TAFA1: variants seen among roughly 807,000 people sequenced by gnomAD.
TAFA1 encodes the protein TAFA chemokine like family member 1, also known as chemokine-like protein TAFA-1.
A neutral mutation model predicts 18.5 loss-of-function variants in TAFA1; 4 were observed. That is an observed-to-expected ratio of 0.22 (90% CI 0.11 to 0.49). TAFA1 has a LOEUF of 0.49. Ranked by LOEUF, TAFA1 falls within the 20% of genes least tolerant of loss-of-function variation. The probability of loss-of-function intolerance (pLI) is 0.98; values close to 1 mark genes in which losing one functional copy is unlikely to be tolerated. For missense variants in TAFA1, 147 were observed against 169.0 expected (o/e 0.87, Z 0.72); for synonymous variants, 56 against 55.2 (o/e 1.01, Z -0.06).
intron 2 of TAFA1, among the ~76,000 whole-genome samples, chr3:68,416,616 G>A (rs1210869557): frequency 6.6e-6 from 1 of 152,172 alleles, no homozygotes; most frequent in Admixed American, 6.5e-5. Flanking sequence ...AGTGGAGAGT[G>A]ACATACATTA....
chr3:68,292,553 G>C (rs2068128818), intron 2 of TAFA1, among the ~76,000 whole-genome samples: 1 of 151,926 alleles, frequency 6.6e-6, no homozygotes, highest in Non-Finnish European at 1.5e-5. Context: ...AAAAGACAAG[G>C]TCTCACTCTA....
Position 68,113,888 on chromosome 3 carries a change from G to GTTTTTTTTTTTTTTTTTT in TAFA1, c.118+107152_118+107153insTTTTTTTTTTTTTTTTTT, listed in dbSNP as rs1169442128. 6.9e-5 allele frequency among the ~76,000 whole-genome samples: 4 copies of GTTTTTTTTTTTTTTTTTT among 57,862 alleles called. 2 individuals are homozygous for GTTTTTTTTTTTTTTTTTT. The highest frequency in any genetic ancestry group is 6.0e-5 in the Non-Finnish European group (2 of 33,384). The allele number at this position is 57,862 out of a possible 152,430, so 38.0% of individuals were successfully genotyped here. A position where few individuals can be genotyped will look rare whatever the true frequency, so the allele number is the denominator to read the frequency against. On this transcript the variant is annotated intron_variant, in intron 2 of 4. Coordinates refer to ENST00000478136, the MANE Select transcript of TAFA1 (RefSeq NM_213609.4). ...TGACAGTGTGACAGTTTGGGGTGTA[G>GTTTTTTTTTTTTTTTTTT]TTTTTTTTGTTTTTTTTTTTTTTTT...
intron 3 of TAFA1, among the ~76,000 whole-genome samples, chr3:68,446,413 C>A (rs963214150): frequency 6.6e-6 from 1 of 152,106 alleles, no homozygotes; most frequent in African/African-American, 2.4e-5. Context: ...TGGAAGAAGA[C>A]AGCAAGAGTC....
intron 2 of TAFA1, among the ~76,000 whole-genome samples, chr3:68,205,642 T>C (rs1417350533): frequency 6.6e-6 from 1 of 151,892 alleles, no homozygotes; most frequent in Non-Finnish European, 1.5e-5. Flanking sequence ...TTCCTTCAAC[T>C]ACTACATTTG....
chr3:68,269,210 T>C (rs1332982940), intron 2 of TAFA1, among the ~76,000 whole-genome samples: 1 of 152,118 alleles, frequency 6.6e-6, no homozygotes, highest in African/African-American at 2.4e-5. Flanking sequence ...TCCCAGTGCT[T>C]TGGGAGGCCA....
intron 2 of TAFA1, among the ~76,000 whole-genome samples, chr3:68,241,644 C>A (rs541928422): frequency 6.6e-6 from 1 of 152,130 alleles, no homozygotes; most frequent in Non-Finnish European, 1.5e-5. Flanking sequence ...TGAATTGGAT[C>A]ATCAGTTTTC....
chr3:68,104,423 A>C (rs1194556398), intron 2 of TAFA1, among the ~76,000 whole-genome samples: 1 of 152,052 alleles, frequency 6.6e-6, no homozygotes, highest in East Asian at 1.9e-4. Context: ...TATTTATATA[A>C]AAACAATATT....
intron 2 of TAFA1, among the ~76,000 whole-genome samples, chr3:68,148,340 A>G (rs2065767727): frequency 6.6e-6 from 1 of 152,246 alleles, no homozygotes; most frequent in South Asian, 2.1e-4. Flanking sequence ...CTCTCATATC[A>G]TTTTGCATGA....
At chr3:68,290,827 A>T (rs1476696652) in intron 2 of TAFA1, among the ~76,000 whole-genome samples, 1 of 152,264 alleles carries the variant, frequency 6.6e-6, no homozygotes, top group South Asian at 2.1e-4. Context: ...TTTTAAAAAG[A>T]AATTACTTGT....
intron 2 of TAFA1, among the ~76,000 whole-genome samples, chr3:68,021,011 C>A (rs1029181735): frequency 6.6e-6 from 1 of 151,496 alleles, no homozygotes; most frequent in Non-Finnish European, 1.5e-5. Flanking sequence ...CATGGTGAAA[C>A]CCCATCTCTA....
At chr3:68,352,887 A>G (rs971237100) in intron 2 of TAFA1, among the ~76,000 whole-genome samples, 1 of 151,904 alleles carries the variant, frequency 6.6e-6, no homozygotes, top group East Asian at 1.9e-4. Flanking sequence ...TCTGTCATTT[A>G]CCTCCTCTAC....
chr3:68,388,742 T>C (rs1011480988), intron 2 of TAFA1, among the ~76,000 whole-genome samples: 6 of 152,100 alleles, frequency 3.9e-5, no homozygotes, highest in African/African-American at 1.4e-4. Flanking sequence ...GACATTCTAC[T>C]TTTTAAATAA....
intron 2 of TAFA1, among the ~76,000 whole-genome samples, chr3:68,057,673 A>G (rs2064552997): frequency 6.6e-6 from 1 of 152,174 alleles, no homozygotes; most frequent in Non-Finnish European, 1.5e-5. Flanking sequence ...TAAATTAAGG[A>G]TCTTGGTATG....
chr3:68,205,241 T>C (rs1418294531), intron 2 of TAFA1, among the ~76,000 whole-genome samples: 1 of 151,900 alleles, frequency 6.6e-6, no homozygotes, highest in Non-Finnish European at 1.5e-5. Context: ...CTGAAACTCT[T>C]AGTCGATAAA....
intron 2 of TAFA1, among the ~76,000 whole-genome samples, chr3:68,018,421 A>C (rs1170708833): frequency 6.6e-6 from 1 of 152,242 alleles, no homozygotes. Context: ...GAAGCTGCAT[A>C]ACTCTAACTC....
At chr3:68,081,265 C>G (rs938991168) in intron 2 of TAFA1, among the ~76,000 whole-genome samples, 3 of 152,054 alleles carry the variant, frequency 2.0e-5, no homozygotes, top group Non-Finnish European at 4.4e-5. Context: ...TGAATGTCCT[C>G]CCATAGCTCA....
chr3:68,140,934 A>C (rs2065660796), intron 2 of TAFA1, among the ~76,000 whole-genome samples: 1 of 152,176 alleles, frequency 6.6e-6, no homozygotes, highest in East Asian at 1.9e-4. Context: ...GCTGTCTTTA[A>C]AACCATGTAT....
intron 2 of TAFA1, among the ~76,000 whole-genome samples, chr3:68,327,241 G>A (rs2068791308): frequency 6.6e-6 from 1 of 152,022 alleles, no homozygotes; most frequent in South Asian, 2.1e-4. Context: ...GTCAGTCTCA[G>A]GTATGTCTTT....
intron 2 of TAFA1, among the ~76,000 whole-genome samples, chr3:68,092,091 T>A (rs1297864627): frequency 1.3e-5 from 2 of 152,126 alleles, no homozygotes; most frequent in Non-Finnish European, 2.9e-5. Flanking sequence ...TAATAAGCCC[T>A]CTCTAATACC....
Sources: allele counts gnomAD v4.1 joint callset (sites outside exome capture counted in the v4.1 genomes callset), GRCh38; gene constraint gnomAD v4.1.1; transcripts MANE v1.5; gene names NCBI Gene and HGNC (gene_info 2026-07-23, HGNC 2026-07-21).